Variants in RBBP4 observed in about 807,000 individuals in gnomAD.
The protein encoded by RBBP4 is histone-binding protein RBBP4.
A neutral mutation model predicts 57.2 loss-of-function variants in RBBP4; 3 were observed. The observed-to-expected ratio is 0.05, with a 90% CI of 0.02 to 0.14. RBBP4 has a LOEUF of 0.14. Among genes scored for constraint, RBBP4 ranks in the 10% least tolerant of loss-of-function variants. RBBP4 has a pLI of 1.00. For missense variants in RBBP4, 107 were observed against 520.6 expected, an observed-to-expected ratio of 0.21 and a Z score of 7.73; for synonymous variants, 151 against 171.5, an observed-to-expected ratio of 0.88 and a Z score of 0.93.
At chr1:32,652,827 T>C (rs1647926835) in intron 2 of RBBP4, among the ~76,000 whole-genome samples, 1 of 152,214 alleles carries the variant, frequency 6.6e-6, no homozygotes, top group Non-Finnish European at 1.5e-5. Context: ...ATTACAGGCG[T>C]GAGCCACTGC....
chr1:32,665,809 C>T (rs1197996915), intron 3 of RBBP4, among the ~76,000 whole-genome samples: 1 of 151,972 alleles, frequency 6.6e-6, no homozygotes, highest in African/African-American at 2.4e-5. Flanking sequence ...GAAGGCCTTC[C>T]CTGAATCACC....
intron 3 of RBBP4, among the ~76,000 whole-genome samples, chr1:32,666,463 A>G (rs1236713981): frequency 3.3e-5 from 5 of 151,906 alleles, no homozygotes; most frequent in South Asian, 2.1e-4. Flanking sequence ...GGTTCAAGCA[A>G]TTCTGTCTCA....
At chr1:32,668,086 C>A in intron 3 of RBBP4, 139 bp from the exon 4 acceptor site, 2 of 740,804 alleles carry the variant, frequency 2.7e-6, no homozygotes, top group Non-Finnish European at 4.2e-6. Flanking sequence ...CTTTATAGTG[C>A]TAGCAAATGT....
chr1:32,675,709 C>G (rs1649071608), intron 11 of RBBP4, among the ~76,000 whole-genome samples: 1 of 151,954 alleles, frequency 6.6e-6, no homozygotes, highest in Non-Finnish European at 1.5e-5. Context: ...GCAGGACTTG[C>G]AGTGAGCCGA....
chr1:32,658,361 T>TAAA (rs59613858), intron 3 of RBBP4, among the ~76,000 whole-genome samples: 182 of 142,068 alleles, frequency 1.3e-3, no homozygotes, highest in East Asian at 6.3e-3. Flanking sequence ...GGAGCAATAG[T>TAAA]AAAAAAAAAA....
In RBBP4 at chr1:32,669,321, T is replaced by C. The variant is rs74064157; in HGVS notation, c.852T>C (p.Tyr284=). Residue 284 remains tyrosine, a synonymous_variant, in exon 7 of 12, where the codon TAT becomes TAC. Coordinates refer to ENST00000373493, the MANE Select transcript of RBBP4 (RefSeq NM_005610.3). The surrounding 1 kb of genome is among the most constrained non-coding windows in gnomAD (Gnocchi z 4.9). ...AEVNCLSFNP[Y]SEFILATGSA... is the part of the protein sequence containing the mutation. ...TGAACTGCCTTTCTTTCAATCCTTA[T>C]AGTGAGTTCATTCTTGCCACAGGAT... is the stretch of plus-strand genomic sequence containing the variant. 1.8e-3 allele frequency: 2,887 copies of C among 1,611,418 alleles called. 49 individuals carry two copies. The African/African-American group carries it at 0.033, about 18-fold the overall frequency.
chr1:32,666,548 G>A (rs530631077), intron 3 of RBBP4, among the ~76,000 whole-genome samples: 3 of 152,002 alleles, frequency 2.0e-5, no homozygotes, highest in Admixed American at 6.6e-5. Flanking sequence ...GTAGAGACGG[G>A]GTTTTACCAT....
Position 32,669,453 on chromosome 1 carries a change from A to T in RBBP4, c.889-33A>T, listed in dbSNP as rs768784599. On this transcript the variant is annotated intron_variant, in intron 7 of 11. Transcript: ENST00000373493. The surrounding 1 kb of genome is among the most constrained non-coding windows in gnomAD (Gnocchi z 4.9). ...TACAGTATTTTTTTTTTCTTAAAAA[A>T]TTGATTACTCTTGCTTTTCTTTTTG... The T allele has an allele frequency of 6.4e-7, 1 of 1,569,028 alleles. No individual in the cohort carries two copies. The highest frequency in any genetic ancestry group is 1.4e-5 in the African/African-American group (1 of 72,134).
intron 3 of RBBP4, among the ~76,000 whole-genome samples, chr1:32,658,427 A>G (rs1216474452): frequency 1.3e-5 from 2 of 152,082 alleles, no homozygotes; most frequent in African/African-American, 4.8e-5. Flanking sequence ...AGTGGTAGAA[A>G]TGACTTAACC....
chr1:32,655,508 T>C (rs996683802), intron 2 of RBBP4, among the ~76,000 whole-genome samples: 2 of 152,208 alleles, frequency 1.3e-5, no homozygotes, highest in African/African-American at 2.4e-5. Flanking sequence ...ATATCTCTCT[T>C]CATTTCTTTT....
In RBBP4 at chr1:32,684,032, A is replaced by G; in HGVS notation, c.*4327A>G. ...CACCTTGAGACTGTGTCTCCATTCC[A>G]CCTGCCTGAGAAGTGGGAGCATCAG... On this transcript the variant is annotated 3_prime_UTR_variant, in exon 12 of 12. Coordinates refer to ENST00000373493, the MANE Select transcript of RBBP4 (RefSeq NM_005610.3). The G allele has an allele frequency of 6.2e-7, 1 of 1,614,146 alleles. No homozygotes were observed. Among genetic ancestry groups the G allele is most frequent in the Non-Finnish European group, 8.5e-7 (1 of 1,180,012 alleles).
At chr1:32,674,490 A>G (rs11808426) in intron 11 of RBBP4, among the ~76,000 whole-genome samples, 15,677 of 151,846 alleles carry the variant, frequency 0.1, 1,457 homozygotes, top group African/African-American at 0.23. Context: ...CACCTCCCAG[A>G]GTGCTGGGAG....
Position 32,679,760 on chromosome 1 carries a change from G to C in RBBP4, c.*55G>C. 1.2e-6 allele frequency: 2 copies of C among 1,607,650 alleles called. No homozygotes were observed. The highest frequency in any genetic ancestry group is 1.7e-6 in the Non-Finnish European group (2 of 1,177,502). ...TCCCCTTTTTTCTTCTCAACCCTGA[G>C]AGTGATTTAACACTGGTTTTGAGAC... On this transcript the variant is annotated 3_prime_UTR_variant, in exon 12 of 12. Coordinates refer to ENST00000373493, the MANE Select transcript of RBBP4 (RefSeq NM_005610.3).
intron 2 of RBBP4, among the ~76,000 whole-genome samples, chr1:32,653,640 T>TTTTTTGG (rs1247283021): frequency 5.4e-5 from 1 of 18,574 alleles, no homozygotes; most frequent in African/African-American, 1.2e-4. Context: ...TTTTCTGGTT[T>TTTTTTGG]TTTTTTTTTT....
intron 3 of RBBP4, among the ~76,000 whole-genome samples, chr1:32,667,828 T>C (rs1280951945): frequency 6.6e-6 from 1 of 152,238 alleles, no homozygotes; most frequent in African/African-American, 2.4e-5. Context: ...TCTTCTCATA[T>C]ACTTTAAAAT....
In RBBP4 at chr1:32,669,174, G is replaced by A. The variant is rs766731160; in HGVS notation, c.761+42G>A. ...CAGAGTTTCTAAATATCTTGTCTAA[G>A]TTTTATGTTTAGTCACCATTTCAAG... is the stretch of plus-strand genomic sequence containing the variant. On this transcript the variant is annotated intron_variant, in intron 6 of 11. Transcript: ENST00000373493. This position sits in a 1 kb window ranked among gnomAD's most constrained non-coding sequence, Gnocchi z 4.9. 1.2e-6 allele frequency: 2 copies of A among 1,611,170 alleles called. No homozygotes were observed. The highest frequency in any genetic ancestry group is 1.3e-5 in the African/African-American group (1 of 74,692).
chr1:32,653,235 C>T (rs190178634), intron 2 of RBBP4, among the ~76,000 whole-genome samples: 1 of 152,002 alleles, frequency 6.6e-6, no homozygotes, highest in Non-Finnish European at 1.5e-5. Flanking sequence ...TGCCTCATTT[C>T]TTAGGAAGAA....
At chr1:32,659,864 T>C (rs1419548859) in intron 3 of RBBP4, among the ~76,000 whole-genome samples, 3 of 152,202 alleles carry the variant, frequency 2.0e-5, no homozygotes. Context: ...TTTCTAATTT[T>C]TTGACTTCAA....
At chr1:32,668,151 C>A in intron 3 of RBBP4, 74 bp from the exon 4 acceptor site, 1 of 1,385,346 alleles carries the variant, frequency 7.2e-7, no homozygotes, top group Non-Finnish European at 9.8e-7. Context: ...AAATCCTTTC[C>A]TGTGTTCTTA....
Sources: gnomAD v4.1 joint callset for allele counts (sites outside exome capture counted in the v4.1 genomes callset) on GRCh38, gnomAD v4.1.1 for gene constraint, Gnocchi (gnomAD v3.1) non-coding constraint, MANE v1.5 for transcripts, NCBI Gene and HGNC (gene_info 2026-07-23, HGNC 2026-07-21) for gene names.